The following RIPOR2 variants were observed in gnomAD, a reference collection of about 807,000 sequenced individuals.
RIPOR2 encodes the protein RHO family interacting cell polarization regulator 2.
RIPOR2 carries 39 observed loss-of-function variants against 114.5 expected under a neutral mutation model. The ratio of observed to expected loss-of-function variants is 0.34; its 90% CI spans 0.26 to 0.44. RIPOR2 has a LOEUF of 0.44. Ranked by LOEUF, RIPOR2 falls within the 20% of genes least tolerant of loss-of-function variation. The pLI is 1.00. For missense variants in RIPOR2, 1,007 were observed against 1,255.1 expected, an observed-to-expected ratio of 0.80 and a Z score of 2.99; for synonymous variants, 445 against 484.4, an observed-to-expected ratio of 0.92 and a Z score of 1.07.
At chr6:24,956,281 T>A (rs1455607745) in intron 1 of RIPOR2, among the ~76,000 whole-genome samples, 1 of 152,188 alleles carries the variant, frequency 6.6e-6, no homozygotes, top group Non-Finnish European at 1.5e-5. Flanking sequence ...TTACAATAGA[T>A]CATAAATATT....
intron 1 of RIPOR2, among the ~76,000 whole-genome samples, chr6:24,941,273 C>T (rs1040398610): frequency 1.3e-5 from 2 of 151,598 alleles, no homozygotes; most frequent in Admixed American, 1.3e-4. Flanking sequence ...ACCCAGCAAA[C>T]GAGAGTTCTA....
intron 1 of RIPOR2, among the ~76,000 whole-genome samples, chr6:25,035,594 C>A (rs900598516): frequency 3.3e-5 from 5 of 152,170 alleles, no homozygotes; most frequent in Admixed American, 3.3e-4. Flanking sequence ...AATCTGCAAC[C>A]GTAGTGCCTC....
chr6:24,877,237 G>A (rs952258130), intron 1 of RIPOR2: 35 of 985,314 alleles, frequency 3.6e-5, no homozygotes, highest in Non-Finnish European at 4.0e-5. Flanking sequence ...GTTTGAGCGA[G>A]TTACTTCCCC....
intron 1 of RIPOR2, chr6:24,911,243 G>C (rs2493331): frequency 0.32 from 48,502 of 152,018 alleles, 7,985 homozygotes; most frequent in African/African-American, 0.39. Context: ...GCTGCGCTTC[G>C]GTGCCTGCTT....
intron 21 of RIPOR2, 50 bp from the exon 22 acceptor site, chr6:24,806,523 T>C (rs1379998185): frequency 2.2e-6 from 3 of 1,371,450 alleles, no homozygotes; most frequent in Admixed American, 4.3e-5. Context: ...ACGTTTTTAT[T>C]AATTACTCAA....
intron 1 of RIPOR2, among the ~76,000 whole-genome samples, chr6:24,889,048 C>T (rs575704947): frequency 8.5e-5 from 13 of 152,244 alleles, no homozygotes; most frequent in Non-Finnish European, 1.5e-5. Flanking sequence ...TAAAAAGCAG[C>T]ACTTTAAATG....
At chr6:24,916,200 T>C (rs1366625979) in intron 1 of RIPOR2, among the ~76,000 whole-genome samples, 1 of 152,166 alleles carries the variant, frequency 6.6e-6, no homozygotes, top group African/African-American at 2.4e-5. Context: ...TTGCCTCACT[T>C]TTCCTCCTAC....
rs142603761 is a variant in RIPOR2 at position 24,894,822 on chromosome 6, T to A, written c.62-19005A>T. 3.5e-4 allele frequency among the ~76,000 whole-genome samples: 53 copies of A among 152,302 alleles called. No individual in the cohort carries two copies. The East Asian group carries it at 9.5e-3, about 27-fold the overall frequency. On this transcript the variant is annotated intron_variant, in intron 1 of 21. Coordinates refer to ENST00000643898, the MANE Select transcript of RIPOR2 (RefSeq NM_001286445.3). Reference sequence around the variant, plus strand: ...CATCTTTGCTATTCAGAGAGTAACATCCCACACCTATACTCTTAGGGTTAA... The same window carrying A: ...CATCTTTGCTATTCAGAGAGTAACAACCCACACCTATACTCTTAGGGTTAA...
chr6:24,826,312 C>T (rs1270034096), intron 18 of RIPOR2, among the ~76,000 whole-genome samples: 1 of 152,232 alleles, frequency 6.6e-6, no homozygotes, highest in South Asian at 2.1e-4. Flanking sequence ...TAACCATGTT[C>T]CATGAATAAA....
chr6:25,023,371 C>T (rs1776425631), intron 1 of RIPOR2: 7 of 784,294 alleles, frequency 8.9e-6, no homozygotes, highest in South Asian at 5.3e-5. Flanking sequence ...TCATGCTCAC[C>T]GGCTCCTCGT....
intron 1 of RIPOR2, among the ~76,000 whole-genome samples, chr6:24,880,735 C>T (rs1252288631): frequency 6.6e-6 from 1 of 152,152 alleles, no homozygotes; most frequent in Non-Finnish European, 1.5e-5. Flanking sequence ...ATTCTGATTA[C>T]ATCAGAACTA....
At chr6:24,991,275 C>A (rs73729581) in intron 1 of RIPOR2, among the ~76,000 whole-genome samples, 2 of 152,304 alleles carry the variant, frequency 1.3e-5, no homozygotes, top group African/African-American at 2.4e-5. Flanking sequence ...TAATATTATT[C>A]TTTCACCCTA....
intron 1 of RIPOR2, among the ~76,000 whole-genome samples, chr6:24,979,656 G>C (rs558146036): frequency 3.4e-4 from 51 of 152,172 alleles, no homozygotes; most frequent in Non-Finnish European, 5.4e-4. Flanking sequence ...ACACCATGTT[G>C]GGACCCAGAG....
At chr6:24,929,955 A>G (rs1771250406) in intron 1 of RIPOR2, among the ~76,000 whole-genome samples, 1 of 152,192 alleles carries the variant, frequency 6.6e-6, no homozygotes, top group African/African-American at 2.4e-5. Flanking sequence ...GCACACCTGT[A>G]GTCCCAGCTA....
chr6:24,895,722 G>A (rs1267672499), intron 1 of RIPOR2, among the ~76,000 whole-genome samples: 5 of 152,190 alleles, frequency 3.3e-5, no homozygotes. Flanking sequence ...CGGGCGCTGT[G>A]GCTCACGCTT....
intron 1 of RIPOR2, among the ~76,000 whole-genome samples, chr6:24,935,609 A>T (rs2114162535): frequency 6.6e-6 from 1 of 152,292 alleles, no homozygotes; most frequent in East Asian, 1.9e-4. Context: ...TTTAGTCATG[A>T]CTTTAAAAAA....
chr6:24,810,479 A>G (rs1467963391), intron 20 of RIPOR2, among the ~76,000 whole-genome samples: 1 of 152,166 alleles, frequency 6.6e-6, no homozygotes, highest in African/African-American at 2.4e-5. Flanking sequence ...CATTAATGAC[A>G]ATTCTTCTAT....
At position 25,005,738 on chromosome 6, in the gene RIPOR2, T is replaced by TATATATATATATATATATACATAC. The variant is rs34572978; in HGVS notation, c.76+36112_76+36113insGTATGTATATATATATATATATAT. On this transcript the variant is annotated intron_variant, in intron 1 of 13. Coordinates refer to the RIPOR2 transcript ENST00000510784. ...ATATATATATATATATATATATATA[T>TATATATATATATATATATACATAC]ATACATTTACCGATCAAAAGATATG... Among the ~76,000 whole-genome samples the TATATATATATATATATATACATAC allele has an allele frequency of 3.4e-4, 24 of 70,698 alleles. 4 individuals carry two copies. The highest frequency in any genetic ancestry group is 7.3e-4 in the Non-Finnish European group (22 of 30,022). The allele number at this position is 70,698 out of a possible 152,430, so 46.4% of individuals were successfully genotyped here. A position where few individuals can be genotyped will look rare whatever the true frequency, so the allele number is the denominator to read the frequency against.
chr6:24,882,738 T>C (rs1363746579), intron 1 of RIPOR2, among the ~76,000 whole-genome samples: 1 of 152,216 alleles, frequency 6.6e-6, no homozygotes, highest in Non-Finnish European at 1.5e-5. Context: ...GCATATTGCA[T>C]GCAAAATTTT....
Sources: allele counts gnomAD v4.1 joint callset (sites outside exome capture counted in the v4.1 genomes callset), GRCh38; gene constraint gnomAD v4.1.1; transcripts MANE v1.5; gene names NCBI Gene and HGNC (gene_info 2026-07-23, HGNC 2026-07-21).